C2orf80: variants seen among roughly 807,000 people sequenced by gnomAD.
C2orf80 encodes the protein chromosome 2 open reading frame 80.
In C2orf80, 28 loss-of-function variants were observed where a neutral mutation model predicts 30.2. That is an observed-to-expected ratio of 0.93 (90% confidence interval 0.69 to 1.27). The LOEUF (loss-of-function observed/expected upper bound fraction) is 1.27, where lower values mean the gene tolerates loss of function less well. C2orf80 is among the 50% of genes most tolerant of loss of function. The pLI, the probability that C2orf80 is intolerant of heterozygous loss-of-function variation, is 0.00. For missense variants in C2orf80, 220 were observed against 231.0 expected, an observed-to-expected ratio of 0.95 and a Z score of 0.31; for synonymous variants, 80 against 76.4, an observed-to-expected ratio of 1.05 and a Z score of -0.24.
At position 208,180,782 on chromosome 2, in the gene C2orf80, T is replaced by C. The variant is rs969080672; in HGVS notation, c.329A>G (p.Tyr110Cys). The C allele has an allele frequency of 6.2e-7, 1 of 1,613,598 alleles. No homozygotes were observed. Among genetic ancestry groups the C allele is most frequent in the Non-Finnish European group, 8.5e-7 (1 of 1,179,810 alleles). Residue 110 changes from tyrosine to cysteine, a missense_variant, in exon 6 of 9, where the codon TAT becomes TGT. Transcript: ENST00000341287. ...SIPIEEVFKI[Y>C]GADSSADSGT... ...AGAATCGGCAGAAGAATCAGCCCCA[T>C]AAATTTTAAAGACTTCCTCAATCGG... is the stretch of plus-strand genomic sequence containing the variant.
intron 4 of C2orf80, 50 bp from the exon 5 acceptor site, chr2:208,181,355 G>C: frequency 8.2e-7 from 1 of 1,218,746 alleles, no homozygotes; most frequent in South Asian, 1.2e-5. Context: ...TGTTCTTTTT[G>C]ATGCCTGCTA....
At chr2:208,175,614 T>C (rs1231794482) in intron 6 of C2orf80, among the ~76,000 whole-genome samples, 1 of 152,156 alleles carries the variant, frequency 6.6e-6, no homozygotes, top group African/African-American at 2.4e-5. Context: ...ATAATCTGAT[T>C]AGTATTCAAC....
intron 1 of C2orf80, among the ~76,000 whole-genome samples, chr2:208,187,636 G>A (rs73986538): frequency 0.035 from 5,283 of 152,238 alleles, 278 homozygotes; most frequent in African/African-American, 0.11. Context: ...GGAGTCTATA[G>A]AAAATCATCA....
intron 6 of C2orf80, 115 bp from the exon 7 acceptor site, chr2:208,172,190 GAGTACTGTCCAACGGACAC>G: frequency 1.2e-6 from 1 of 833,680 alleles, no homozygotes; most frequent in Non-Finnish European, 2.1e-6. Context: ...TCCAATTGTT[GAGTACTGTCCAACGGACAC>G]ACTGTCCACA....
chr2:208,185,035 T>A lies in C2orf80; in HGVS notation c.42-3A>T, dbSNP rs2105913233. Reference sequence around the variant, plus strand: ...GTCTGATGCCAATATAATCTCCCCTTAAAAGCAAGAGAGCAGCATTGAACC... The same window carrying A: ...GTCTGATGCCAATATAATCTCCCCTAAAAAGCAAGAGAGCAGCATTGAACC... On this transcript the variant is annotated splice_polypyrimidine_tract_variant and splice_region_variant and intron_variant, in intron 2 of 8. Transcript: ENST00000341287. The A allele has an allele frequency of 6.2e-7, 1 of 1,612,484 alleles. No homozygotes were observed. Among genetic ancestry groups the A allele is most frequent in the Non-Finnish European group, 8.5e-7 (1 of 1,178,728 alleles).
chr2:208,184,909 A>G (rs1696668807), intron 3 of C2orf80, 42 bp downstream of exon 3: 2 of 1,497,912 alleles, frequency 1.3e-6, no homozygotes, highest in East Asian at 2.3e-5. Flanking sequence ...TTTAATACAC[A>G]TATAACACAA....
At chr2:208,177,492 G>T (rs1220216428) in intron 6 of C2orf80, among the ~76,000 whole-genome samples, 1 of 152,076 alleles carries the variant, frequency 6.6e-6, no homozygotes, top group Non-Finnish European at 1.5e-5. Flanking sequence ...AGTGAGCCGA[G>T]ATTGCACCAC....
intron 8 of C2orf80, among the ~76,000 whole-genome samples, chr2:208,167,141 T>C (rs1027272701): frequency 5.9e-5 from 9 of 152,206 alleles, no homozygotes; most frequent in Non-Finnish European, 2.9e-5. Context: ...CTCTTTAGTA[T>C]GGTCGTGTTC....
intron 8 of C2orf80, among the ~76,000 whole-genome samples, chr2:208,169,235 TTGTG>T (rs5838108): frequency 4.7e-5 from 7 of 149,200 alleles, no homozygotes; most frequent in African/African-American, 1.7e-4. Context: ...AGAGATCTTT[TTGTG>T]TGTGTGTGTG....
intron 6 of C2orf80, among the ~76,000 whole-genome samples, chr2:208,174,125 G>A (rs954408439): frequency 3.3e-5 from 5 of 151,882 alleles, no homozygotes; most frequent in Non-Finnish European, 7.4e-5. Flanking sequence ...GCGAATTTTT[G>A]TATTTTTTGG....
Position 208,181,291 on chromosome 2 carries a change from T to C in C2orf80, c.221A>G (p.His74Arg), listed in dbSNP as rs375210266. The change falls in exon 5 of 9, where the codon CAT becomes CGT. Residue 74 changes from histidine (H) to arginine (R), a missense_variant. Transcript: ENST00000341287. Reference sequence around the variant, plus strand: ...ACGATTTGGATATATGGGTCTGCCATGGAGTGGTATTTTCCTAATGGGGAA... The same window carrying C: ...ACGATTTGGATATATGGGTCTGCCACGGAGTGGTATTTTCCTAATGGGGAA... ...LEWEELKIPLHGRPIYPNRRE... is the reference protein window; with the variant it reads ...LEWEELKIPLRGRPIYPNRRE... 1.8e-5 allele frequency: 29 copies of C among 1,607,292 alleles called. No individual in the cohort carries two copies. Among genetic ancestry groups the C allele is most frequent in the Non-Finnish European group, 2.3e-5 (27 of 1,174,126 alleles).
intron 4 of C2orf80, among the ~76,000 whole-genome samples, chr2:208,182,522 T>C (rs917781381): frequency 2.0e-5 from 3 of 152,190 alleles, no homozygotes; most frequent in Admixed American, 2.0e-4. Flanking sequence ...TCTCCTCTCC[T>C]GCCTCAGCCT....
At chr2:208,173,652 CA>C (rs1696184182) in intron 6 of C2orf80, among the ~76,000 whole-genome samples, 2 of 151,190 alleles carry the variant, frequency 1.3e-5, no homozygotes, top group African/African-American at 4.9e-5. Flanking sequence ...AACAAAACAC[CA>C]AAACTCAAAA....
At position 208,187,009 on chromosome 2, in the gene C2orf80, C is replaced by T. The variant is rs1232986891; in HGVS notation, c.-23G>A. 6.2e-7 allele frequency: 1 copy of T among 1,613,278 alleles called. No individual in the cohort carries two copies. Among genetic ancestry groups the T allele is most frequent in the African/African-American group, 1.3e-5 (1 of 74,896 alleles). On this transcript the variant is annotated 5_prime_UTR_variant, in exon 2 of 9. Transcript: ENST00000341287. ...CATGTTAAAGGCTTAGCCAGCTGAG[C>T]AGGTATCTGCAGCTAACACTACACT...
At chr2:208,183,068 G>A in intron 3 of C2orf80, 21 bp from the exon 4 acceptor site, 1 of 1,608,294 alleles carries the variant, frequency 6.2e-7, no homozygotes, top group African/African-American at 1.3e-5. Context: ...GAAGCACAGA[G>A]AGCAAAGAAA....
chr2:208,183,096 C>G (rs370036263), intron 3 of C2orf80, 49 bp from the exon 4 acceptor site: 3 of 1,467,246 alleles, frequency 2.0e-6, no homozygotes, highest in Middle Eastern at 1.7e-4. Flanking sequence ...AGACATTGGC[C>G]GAAGTACTCC....
intron 8 of C2orf80, among the ~76,000 whole-genome samples, chr2:208,169,605 C>T (rs1042249809): frequency 1.3e-5 from 2 of 150,296 alleles, no homozygotes; most frequent in South Asian, 2.1e-4. Flanking sequence ...CCCAGCTACT[C>T]GGGAGGCTGA....
At chr2:208,173,593 C>A (rs1048334911) in intron 6 of C2orf80, among the ~76,000 whole-genome samples, 1 of 150,504 alleles carries the variant, frequency 6.6e-6, no homozygotes, top group Non-Finnish European at 1.5e-5. Context: ...CCACTGCACT[C>A]CAGCCTGGGC....
chr2:208,177,977 C>T (rs1357280468), intron 6 of C2orf80, among the ~76,000 whole-genome samples: 3 of 151,864 alleles, frequency 2.0e-5, no homozygotes, highest in African/African-American at 7.3e-5. Flanking sequence ...CCACCACGCC[C>T]CGCTAATTTT....
Sources: gnomAD v4.1 joint callset for allele counts (sites outside exome capture counted in the v4.1 genomes callset) on GRCh38, gnomAD v4.1.1 for gene constraint, MANE v1.5 for transcripts, NCBI Gene and HGNC (gene_info 2026-07-23, HGNC 2026-07-21) for gene names.